Variants in SLCO1C1 observed in about 807,000 individuals in gnomAD.
SLCO1C1 encodes OAT-RP-5.
SLCO1C1 carries 70 observed loss-of-function variants against 76.4 expected under a neutral mutation model. The observed-to-expected ratio is 0.92, with a 90% confidence interval of 0.76 to 1.12. The LOEUF (loss-of-function observed/expected upper bound fraction) is 1.12. Ranked by LOEUF, SLCO1C1 falls within the 50% of genes most tolerant of loss-of-function variation. The pLI, the probability that SLCO1C1 is intolerant of heterozygous loss-of-function variation, is 0.00. For synonymous variants in SLCO1C1, 306 were observed against 286.1 expected, an observed-to-expected ratio of 1.07 and a Z score of -0.70; for missense variants, 912 against 823.8, an observed-to-expected ratio of 1.11 and a Z score of -1.31.
chr12:20,704,834 T>C (rs1428662563), intron 3 of SLCO1C1, among the ~76,000 whole-genome samples: 1 of 151,982 alleles, frequency 6.6e-6, no homozygotes, highest in Non-Finnish European at 1.5e-5. Flanking sequence ...TGTTAAGATC[T>C]TACTGTATTT....
At chr12:20,726,773 A>G (rs1179769712) in intron 9 of SLCO1C1, among the ~76,000 whole-genome samples, 2 of 152,138 alleles carry the variant, frequency 1.3e-5, no homozygotes, top group Admixed American at 1.3e-4. Flanking sequence ...ATATTGCATA[A>G]TGCTGAGGTT....
chr12:20,698,138 T>C (rs1946348038), intron 1 of SLCO1C1, among the ~76,000 whole-genome samples: 1 of 152,072 alleles, frequency 6.6e-6, no homozygotes, highest in Non-Finnish European at 1.5e-5. Flanking sequence ...ATGCATCTTT[T>C]TATGTTTTAT....
intron 9 of SLCO1C1, among the ~76,000 whole-genome samples, chr12:20,723,694 T>C (rs1163304795): frequency 6.6e-6 from 1 of 152,142 alleles, no homozygotes; most frequent in Non-Finnish European, 1.5e-5. Flanking sequence ...AAGGGTTGTG[T>C]TTCTAGCAAC....
chr12:20,750,551 A>G, intron 13 of SLCO1C1, 124 bp from the exon 14 acceptor site: 3 of 812,246 alleles, frequency 3.7e-6, no homozygotes, highest in South Asian at 1.6e-5. Flanking sequence ...AGATTTCAGC[A>G]TGTAATTGAT....
intron 3 of SLCO1C1, among the ~76,000 whole-genome samples, chr12:20,703,812 T>C (rs1417344955): frequency 2.0e-5 from 3 of 151,812 alleles, no homozygotes; most frequent in African/African-American, 7.2e-5. Context: ...TTGTTTAGGA[T>C]TTTTACATCT....
In SLCO1C1 at chr12:20,752,525, T is replaced by A; in HGVS notation, c.2136T>A (p.Leu712=). The change falls in exon 15 of 15, where the codon CTT becomes CTA. Residue 712 remains leucine, a synonymous_variant. Transcript: ENST00000266509. ...PNYWPGKETQ[L] Reference sequence around the variant, plus strand: ...ACTGGCCAGGCAAGGAAACTCAACTTTAGAAACATGATGACTGGAAGTCAT... The same window carrying A: ...ACTGGCCAGGCAAGGAAACTCAACTATAGAAACATGATGACTGGAAGTCAT... The A allele has an allele frequency of 6.3e-7, 1 of 1,577,298 alleles. No individual in the cohort carries two copies. The highest frequency in any genetic ancestry group is 8.6e-7 in the Non-Finnish European group (1 of 1,161,486).
intron 9 of SLCO1C1, among the ~76,000 whole-genome samples, chr12:20,725,803 A>G (rs1368569324): frequency 6.6e-6 from 1 of 151,956 alleles, no homozygotes; most frequent in Non-Finnish European, 1.5e-5. Flanking sequence ...GCTTATCAAC[A>G]CTTGGAATTG....
chr12:20,701,572 C>CAT, intron 3 of SLCO1C1, 113 bp downstream of exon 3: 4 of 514,570 alleles, frequency 7.8e-6, no homozygotes, highest in Non-Finnish European at 1.1e-5. Context: ...TTCATAAAAT[C>CAT]TTTTTTTTTT....
intron 9 of SLCO1C1, among the ~76,000 whole-genome samples, chr12:20,725,753 C>T (rs1419120779): frequency 6.6e-6 from 1 of 151,288 alleles, no homozygotes; most frequent in Non-Finnish European, 1.5e-5. Context: ...CAAATTTATA[C>T]TCCTATTAGA....
chr12:20,751,025 A>T, intron 14 of SLCO1C1: 1 of 784,724 alleles, frequency 1.3e-6, no homozygotes, highest in Non-Finnish European at 2.0e-6. Flanking sequence ...TCATTTTTAA[A>T]ATATGACAAA....
chr12:20,713,860 A>G (rs1295885262), intron 5 of SLCO1C1, among the ~76,000 whole-genome samples: 1 of 152,246 alleles, frequency 6.6e-6, no homozygotes, highest in East Asian at 1.9e-4. Context: ...GCTTATGGTT[A>G]TTGAATTAAA....
intron 13 of SLCO1C1, among the ~76,000 whole-genome samples, chr12:20,748,397 A>G (rs1399731379): frequency 6.6e-6 from 1 of 152,184 alleles, no homozygotes; most frequent in African/African-American, 2.4e-5. Flanking sequence ...GAAAATAAGT[A>G]GTGAACATGC....
At chr12:20,698,688 T>C (rs1946379355) in intron 1 of SLCO1C1, among the ~76,000 whole-genome samples, 1 of 152,102 alleles carries the variant, frequency 6.6e-6, no homozygotes, top group South Asian at 2.1e-4. Context: ...ATAGAAGTCC[T>C]CTATTAATGT....
chr12:20,705,922 TATG>T (rs1298873748), intron 3 of SLCO1C1, 24 bp from the exon 4 acceptor site: 3 of 1,609,026 alleles, frequency 1.9e-6, no homozygotes, highest in Non-Finnish European at 2.5e-6. Flanking sequence ...TTCTCTAATT[TATG>T]ATGTTTTATT....
intron 3 of SLCO1C1, 66 bp from the exon 4 acceptor site, chr12:20,705,883 T>A: frequency 6.6e-7 from 1 of 1,507,856 alleles, no homozygotes; most frequent in South Asian, 1.2e-5. Context: ...TATACATTCA[T>A]TCAGTTATGC....
chr12:20,742,934 T>TA (rs1195792506), intron 12 of SLCO1C1, among the ~76,000 whole-genome samples: 1 of 152,178 alleles, frequency 6.6e-6, no homozygotes, highest in Non-Finnish European at 1.5e-5. Flanking sequence ...CAAAAAGCCA[T>TA]AAAAATTTTT....
intron 9 of SLCO1C1, among the ~76,000 whole-genome samples, chr12:20,726,580 T>A (rs1948010894): frequency 6.6e-6 from 1 of 152,144 alleles, no homozygotes; most frequent in African/African-American, 2.4e-5. Flanking sequence ...CTAGGAAGCA[T>A]TTGTGAAATG....
intron 9 of SLCO1C1, among the ~76,000 whole-genome samples, chr12:20,723,758 A>C (rs1947796707): frequency 6.6e-6 from 1 of 152,160 alleles, no homozygotes; most frequent in African/African-American, 2.4e-5. Context: ...AGAAACCAGA[A>C]CTTACAAATA....
At chr12:20,715,908 G>A (rs1255708479) in intron 6 of SLCO1C1, among the ~76,000 whole-genome samples, 1 of 152,184 alleles carries the variant, frequency 6.6e-6, no homozygotes, top group Non-Finnish European at 1.5e-5. Flanking sequence ...CCTAAGGTAA[G>A]ACACATCTAA....
Sources: allele counts gnomAD v4.1 joint callset (sites outside exome capture counted in the v4.1 genomes callset), GRCh38; gene constraint gnomAD v4.1.1; transcripts MANE v1.5; gene names NCBI Gene and HGNC (gene_info 2026-07-23, HGNC 2026-07-21).